Variants in CAMK1D observed in about 807,000 individuals in gnomAD.
The protein encoded by CAMK1D is calcium/calmodulin dependent protein kinase ID.
Under a neutral mutation model 47.7 loss-of-function variants are expected in CAMK1D, and 9 were observed. The observed-to-expected ratio is 0.19, with a 90% confidence interval of 0.11 to 0.33. CAMK1D has a LOEUF of 0.33. Among genes scored for constraint, CAMK1D ranks in the 10% least tolerant of loss-of-function variants. The pLI, the probability that CAMK1D is intolerant of heterozygous loss-of-function variation, is 1.00. For synonymous variants in CAMK1D, 184 were observed against 184.9 expected (o/e 0.99, Z 0.04); for missense variants, 291 against 488.7 (o/e 0.60, Z 3.81).
At chr10:12,657,066 A>G (rs1352459352) in intron 2 of CAMK1D, among the ~76,000 whole-genome samples, 2 of 152,132 alleles carry the variant, frequency 1.3e-5, no homozygotes, top group Non-Finnish European at 2.9e-5. Context: ...TTTTGTGTGC[A>G]CTTTTATGGA....
intron 2 of CAMK1D, among the ~76,000 whole-genome samples, chr10:12,594,945 G>A (rs907365529): frequency 2.0e-5 from 3 of 152,116 alleles, no homozygotes; most frequent in African/African-American, 7.2e-5. Context: ...GATTCCAGCT[G>A]GTTTAAGCAC....
At chr10:12,540,826 G>T (rs536647782) in intron 1 of CAMK1D, among the ~76,000 whole-genome samples, 54 of 151,984 alleles carry the variant, frequency 3.6e-4, no homozygotes, top group African/African-American at 1.2e-3. Flanking sequence ...GGATCTGTCT[G>T]TTCCTAAGCA....
intron 2 of CAMK1D, among the ~76,000 whole-genome samples, chr10:12,564,674 A>G (rs995844715): frequency 4.6e-5 from 7 of 152,142 alleles, no homozygotes; most frequent in Non-Finnish European, 1.0e-4. Flanking sequence ...TTTTTTAGCT[A>G]TTTGCATTTT....
At chr10:12,358,962 G>A (rs1174175889) in intron 1 of CAMK1D, among the ~76,000 whole-genome samples, 1 of 152,100 alleles carries the variant, frequency 6.6e-6, no homozygotes, top group Admixed American at 6.6e-5. Context: ...AGGCAGGATG[G>A]TGCATATTTA....
intron 3 of CAMK1D, among the ~76,000 whole-genome samples, chr10:12,704,556 AAG>A (rs1193480716): frequency 6.6e-6 from 1 of 152,328 alleles, no homozygotes; most frequent in South Asian, 2.1e-4. Flanking sequence ...ATTTTTTAAA[AAG>A]AGGAAAAAAA....
intron 2 of CAMK1D, among the ~76,000 whole-genome samples, chr10:12,641,915 G>T (rs142052166): frequency 4.6e-4 from 70 of 152,066 alleles, no homozygotes; most frequent in Middle Eastern, 3.4e-3. Context: ...CGTGGTGGAG[G>T]GCGCCTGTAG....
intron 1 of CAMK1D, among the ~76,000 whole-genome samples, chr10:12,488,616 G>A (rs1298929319): frequency 6.6e-6 from 1 of 152,046 alleles, no homozygotes; most frequent in South Asian, 2.1e-4. Context: ...AATATATAAC[G>A]AGATAATTCT....
chr10:12,729,342 A>G (rs940537667), intron 3 of CAMK1D, among the ~76,000 whole-genome samples: 1 of 152,260 alleles, frequency 6.6e-6, no homozygotes, highest in Non-Finnish European at 1.5e-5. Flanking sequence ...CCTATAGAAC[A>G]GATTAAAGTG....
chr10:12,375,363 A>G (rs1471591949), intron 1 of CAMK1D, among the ~76,000 whole-genome samples: 1 of 152,072 alleles, frequency 6.6e-6, no homozygotes, highest in African/African-American at 2.4e-5. Flanking sequence ...CTTCCTCTGG[A>G]TTTCGTCTCT....
At chr10:12,826,699 C>CT (rs1833221271) in intron 10 of CAMK1D, among the ~76,000 whole-genome samples, 1 of 152,194 alleles carries the variant, frequency 6.6e-6, no homozygotes, top group Non-Finnish European at 1.5e-5. Context: ...CCCTTCCTCT[C>CT]TAAGGAATCT....
At chr10:12,800,032 G>A (rs1355414275) in intron 6 of CAMK1D, among the ~76,000 whole-genome samples, 1 of 152,232 alleles carries the variant, frequency 6.6e-6, no homozygotes, top group Admixed American at 6.5e-5. Context: ...CTCAGAGGGT[G>A]CAGCAGGCAT....
At chr10:12,721,811 A>G (rs1306451836) in intron 3 of CAMK1D, among the ~76,000 whole-genome samples, 1 of 152,178 alleles carries the variant, frequency 6.6e-6, no homozygotes, top group Non-Finnish European at 1.5e-5. Context: ...ATAGACAAGC[A>G]CTGGTTACGG....
intron 5 of CAMK1D, among the ~76,000 whole-genome samples, chr10:12,774,400 T>G (rs956228702): frequency 1.3e-5 from 2 of 151,936 alleles, no homozygotes; most frequent in Admixed American, 1.3e-4. Context: ...TGCAGAGGCC[T>G]GAAGGCAGGA....
chr10:12,433,376 G>A (rs1010366611), intron 1 of CAMK1D, among the ~76,000 whole-genome samples: 5 of 151,856 alleles, frequency 3.3e-5, no homozygotes, highest in East Asian at 1.9e-4. Flanking sequence ...CAGGTACAGC[G>A]TAATTTTTTT....
chr10:12,786,523 A>G (rs2130983518), intron 5 of CAMK1D, among the ~76,000 whole-genome samples: 1 of 152,324 alleles, frequency 6.6e-6, no homozygotes, highest in South Asian at 2.1e-4. Flanking sequence ...TGTTATCCAA[A>G]GCAGAAATCT....
chr10:12,468,063 T>G (rs1054865831), intron 1 of CAMK1D, among the ~76,000 whole-genome samples: 1 of 152,186 alleles, frequency 6.6e-6, no homozygotes, highest in Non-Finnish European at 1.5e-5. Context: ...GCTTTTTAAT[T>G]TTTATGTTTT....
chr10:12,821,498 C>A (rs1301502308), intron 8 of CAMK1D, among the ~76,000 whole-genome samples: 5 of 152,174 alleles, frequency 3.3e-5, no homozygotes, highest in African/African-American at 1.2e-4. Context: ...CCAGGCCCAT[C>A]TTGAGCAGGT....
At chr10:12,818,404 C>CTT (rs1051493019) in intron 8 of CAMK1D, among the ~76,000 whole-genome samples, 9 of 152,184 alleles carry the variant, frequency 5.9e-5, no homozygotes, top group Admixed American at 5.2e-4. Context: ...GGAGTGGTGG[C>CTT]TTATGCCTGT....
chr10:12,520,073 C>CA (rs1835355735), intron 1 of CAMK1D, among the ~76,000 whole-genome samples: 1 of 78,728 alleles, frequency 1.3e-5, no homozygotes, highest in Non-Finnish European at 2.7e-5. Flanking sequence ...GGGGCTGACC[C>CA]CCCCCCACCT....
Sources: gnomAD v4.1 joint callset for allele counts (sites outside exome capture counted in the v4.1 genomes callset) on GRCh38, gnomAD v4.1.1 for gene constraint, MANE v1.5 for transcripts, NCBI Gene and HGNC (gene_info 2026-07-23, HGNC 2026-07-21) for gene names.